The following PAAF1 variants were observed in gnomAD, a reference collection of about 807,000 sequenced individuals.
The protein encoded by PAAF1 is proteasomal ATPase-associated factor 1.
PAAF1 carries 46 observed loss-of-function variants against 52.8 expected under a neutral mutation model. That is an observed-to-expected ratio of 0.87 (90% confidence interval 0.69 to 1.11). PAAF1 has a LOEUF of 1.11. Among genes scored for constraint, PAAF1 ranks in the 50% most tolerant of loss-of-function variants. PAAF1 has a pLI of 0.00. For missense variants in PAAF1, 424 were observed against 477.4 expected, an observed-to-expected ratio of 0.89 and a Z score of 1.04; for synonymous variants, 178 against 172.8, an observed-to-expected ratio of 1.03 and a Z score of -0.24.
At chr11:73,884,363 G>A (rs1441305743) in intron 2 of PAAF1, among the ~76,000 whole-genome samples, 1 of 152,036 alleles carries the variant, frequency 6.6e-6, no homozygotes, top group Non-Finnish European at 1.5e-5. Flanking sequence ...AAAAATAGCT[G>A]GGCATGGTGG....
At chr11:73,911,151 T>G (rs1949918981) in intron 7 of PAAF1, among the ~76,000 whole-genome samples, 1 of 152,092 alleles carries the variant, frequency 6.6e-6, no homozygotes, top group South Asian at 2.1e-4. Flanking sequence ...AAGTTCAGAG[T>G]TTACATTAGG....
intron 10 of PAAF1, among the ~76,000 whole-genome samples, chr11:73,920,892 T>C (rs574863860): frequency 1.2e-4 from 18 of 146,696 alleles, no homozygotes; most frequent in Non-Finnish European, 2.1e-4. Context: ...TAAGGTTGGG[T>C]GTAGTGGCTC....
rs766057388 is a variant in PAAF1, at chr11:73,919,019, C to T, written c.1005C>T (p.Phe335=). 3.8e-5 allele frequency: 61 copies of T among 1,613,592 alleles called. No individual in the cohort carries two copies. The highest frequency in any genetic ancestry group is 5.1e-5 in the Non-Finnish European group (60 of 1,179,856). The change falls in exon 10 of 12, where the codon TTC becomes TTT. Residue 335 remains phenylalanine, a synonymous_variant. Transcript: ENST00000310571. ...VLSLLSVRDG[F]IASQGDGSCF... is the part of the protein sequence containing the mutation. ...CCCTGCTAAGTGTCAGAGATGGATT[C>T]ATTGCTAGCCAAGGTGGGTCCATGG...
chr11:73,894,232 C>T (rs1949284075), intron 4 of PAAF1, among the ~76,000 whole-genome samples: 1 of 152,124 alleles, frequency 6.6e-6, no homozygotes, highest in African/African-American at 2.4e-5. Flanking sequence ...AGGCTAGGCA[C>T]AGTGGCCCAT....
chr11:73,883,978 G>T (rs1948988599), intron 2 of PAAF1, among the ~76,000 whole-genome samples: 2 of 152,102 alleles, frequency 1.3e-5, no homozygotes, highest in South Asian at 4.1e-4. Context: ...CAGGATAGAT[G>T]GCATGAGAAC....
At chr11:73,900,621 A>G (rs1000192265) in intron 6 of PAAF1, among the ~76,000 whole-genome samples, 1 of 152,170 alleles carries the variant, frequency 6.6e-6, no homozygotes, top group Non-Finnish European at 1.5e-5. Flanking sequence ...TGTCTTACAC[A>G]GTTGGTTTGA....
chr11:73,908,873 A>G (rs188987576), intron 6 of PAAF1, among the ~76,000 whole-genome samples: 1 of 146,000 alleles, frequency 6.8e-6, no homozygotes, highest in African/African-American at 2.5e-5. Flanking sequence ...ACTGCAACCT[A>G]CGCCTCCCAG....
Position 73,922,812 on chromosome 11 carries a change from G to A in PAAF1, c.1019-1803G>A, listed in dbSNP as rs551463505. ...AGCTTGGGTGACAGAGCGAGACTCCGTCTCAAAAAAAAAAAAAAAAAAAGA... is the reference window on the plus strand; with the variant it reads ...AGCTTGGGTGACAGAGCGAGACTCCATCTCAAAAAAAAAAAAAAAAAAAGA... On this transcript the variant is annotated intron_variant, in intron 10 of 11. Transcript: ENST00000310571. Among the ~76,000 whole-genome samples, 313 of 119,592 alleles carry A rather than the reference G, an allele frequency of 2.6e-3. 1 individual carries two copies. The highest frequency in any genetic ancestry group is 0.011 in the African/African-American group (306 of 28,020). The allele number at this position is 119,592 out of a possible 152,430, so 78.5% of individuals were successfully genotyped here. A position where few individuals can be genotyped will look rare whatever the true frequency, so the allele number is the denominator to read the frequency against.
chr11:73,909,107 A>G (rs973708955), intron 6 of PAAF1, among the ~76,000 whole-genome samples: 1 of 152,176 alleles, frequency 6.6e-6, no homozygotes, highest in African/African-American at 2.4e-5. Flanking sequence ...TCTTTTTAAA[A>G]AAGAGTTTTG....
At chr11:73,898,439 C>A (rs1949493739) in intron 4 of PAAF1, among the ~76,000 whole-genome samples, 1 of 152,100 alleles carries the variant, frequency 6.6e-6, no homozygotes, top group African/African-American at 2.4e-5. Flanking sequence ...TGGTCTCGAA[C>A]TCCTGGGCTC....
At chr11:73,900,461 C>T in intron 6 of PAAF1, 41 bp downstream of exon 6, 1 of 1,503,680 alleles carries the variant, frequency 6.7e-7, no homozygotes, top group Non-Finnish European at 9.0e-7. Flanking sequence ...TCTAATGATC[C>T]CCAGAAATGA....
intron 6 of PAAF1, 141 bp downstream of exon 6, chr11:73,900,561 A>G: frequency 1.1e-6 from 1 of 945,008 alleles, no homozygotes; most frequent in Non-Finnish European, 1.5e-6. Context: ...CCATTTCCCT[A>G]AGGACCAGAA....
intron 10 of PAAF1, chr11:73,921,560 C>A (rs1320129798): frequency 5.4e-6 from 3 of 550,504 alleles, no homozygotes; most frequent in Non-Finnish European, 1.1e-5. Flanking sequence ...CTTCTCTCTT[C>A]TGTATAAAAC....
intron 10 of PAAF1, among the ~76,000 whole-genome samples, chr11:73,919,978 C>T (rs1362790971): frequency 6.6e-6 from 1 of 151,754 alleles, no homozygotes; most frequent in East Asian, 1.9e-4. Context: ...ACTAAGGAAA[C>T]TTGACAACTA....
chr11:73,900,252 T>A lies in PAAF1; in HGVS notation c.382-18T>A. ...ATGGACAAGAGAACTAGCATGGAAT[T>A]TTCTTTTGTTTTTCCAGAGAGTATT... On this transcript the variant is annotated intron_variant, in intron 5 of 11. Transcript: ENST00000310571. The A allele has an allele frequency of 6.3e-7, 1 of 1,578,544 alleles. No homozygotes were observed. Among genetic ancestry groups the A allele is most frequent in the African/African-American group, 1.3e-5 (1 of 74,180 alleles).
chr11:73,921,750 T>C (rs1950227160), intron 10 of PAAF1: 1 of 1,170,106 alleles, frequency 8.5e-7, no homozygotes, highest in Non-Finnish European at 1.3e-6. Flanking sequence ...GGTCGAAAAC[T>C]TTCTCACAAA....
At position 73,909,611 on chromosome 11, in the gene PAAF1, T is replaced by C. The variant is rs766886382; in HGVS notation, c.727+18T>C. On this transcript the variant is annotated intron_variant, in intron 7 of 11. Transcript: ENST00000310571. ...GATGCCCAGTAAGTTGATAATGATATGTAGCATTGTTTTATTTTCTTAGGC... is the reference window on the plus strand; with the variant it reads ...GATGCCCAGTAAGTTGATAATGATACGTAGCATTGTTTTATTTTCTTAGGC... 1.9e-6 allele frequency: 3 copies of C among 1,609,208 alleles called. No homozygotes were observed. Among genetic ancestry groups the C allele is most frequent in the Admixed American group, 1.7e-5 (1 of 59,746 alleles).
chr11:73,909,738 CCTA>C, intron 7 of PAAF1, 145 bp downstream of exon 7: 1 of 738,824 alleles, frequency 1.4e-6, no homozygotes, highest in Non-Finnish European at 2.2e-6. Flanking sequence ...TTACTCTGTA[CCTA>C]CTATGTTTCT....
chr11:73,876,933 T>G, upstream of PAAF1: 1 of 1,312,696 alleles, frequency 7.6e-7, no homozygotes. Flanking sequence ...CTCTTGGTGT[T>G]GAGCCCACCT....
Sources: gnomAD v4.1 joint callset for allele counts (sites outside exome capture counted in the v4.1 genomes callset) on GRCh38, gnomAD v4.1.1 for gene constraint, MANE v1.5 for transcripts, NCBI Gene and HGNC (gene_info 2026-07-23, HGNC 2026-07-21) for gene names.